UNC13C: variants seen among roughly 807,000 people sequenced by gnomAD.
UNC13C encodes unc-13 homolog C.
A neutral mutation model predicts 245.4 loss-of-function variants in UNC13C; 174 were observed. That is an observed-to-expected ratio of 0.71 (90% CI 0.63 to 0.80). UNC13C has a LOEUF of 0.80. Ranked by LOEUF, UNC13C falls within the 30% of genes least tolerant of loss-of-function variation. The pLI is 0.00. For synonymous variants in UNC13C, 992 were observed against 895.1 expected, an observed-to-expected ratio of 1.11 and a Z score of -1.93; for missense variants, 2,829 against 2,602.9, an observed-to-expected ratio of 1.09 and a Z score of -1.89.
At chr15:54,008,105 C>G (rs868712526) in intron 1 of UNC13C, among the ~76,000 whole-genome samples, 4 of 152,292 alleles carry the variant, frequency 2.6e-5, no homozygotes, top group Middle Eastern at 3.4e-3. Flanking sequence ...AAATTTTTGA[C>G]TGTTTAAAAG....
intron 4 of UNC13C, among the ~76,000 whole-genome samples, chr15:54,168,807 A>T (rs545514874): frequency 1.3e-5 from 2 of 152,342 alleles, no homozygotes; most frequent in South Asian, 4.1e-4. Flanking sequence ...ATTATTACAC[A>T]TGCATATGAT....
At chr15:53,956,226 T>C in the UNC13C span, among the ~76,000 whole-genome samples, 1 of 152,230 alleles carries the variant, frequency 6.6e-6, no homozygotes, top group South Asian at 2.1e-4. Flanking sequence ...TTGGGTACTA[T>C]GGTCAGTTCT....
At chr15:54,443,121 T>A (rs1297965395) in intron 19 of UNC13C, among the ~76,000 whole-genome samples, 1 of 152,180 alleles carries the variant, frequency 6.6e-6, no homozygotes, top group East Asian at 1.9e-4. Context: ...GGTTTTCTAT[T>A]CTTCCTGATT....
At chr15:54,091,321 T>C (rs1247559095) in intron 2 of UNC13C, among the ~76,000 whole-genome samples, 1 of 152,234 alleles carries the variant, frequency 6.6e-6, no homozygotes, top group African/African-American at 2.4e-5. Context: ...GTTCTCACCT[T>C]GCAGAGCTTC....
In UNC13C at chr15:54,462,335, C is replaced by T. The variant is rs367778020; in HGVS notation, c.4934-32273C>T. Among the ~76,000 whole-genome samples the T allele has an allele frequency of 8.2e-4, 125 of 152,366 alleles. 2 individuals carry two copies. The South Asian group carries it at 0.025, about 30-fold the overall frequency. ...CATTCGCTCTCAGTGCCTCCTTCGC[C>T]TAAGCGTCCACTGTGGCCATGCTTG... On this transcript the variant is annotated intron_variant, in intron 19 of 32. Transcript: ENST00000260323.
At chr15:53,941,656 C>T in the UNC13C span, among the ~76,000 whole-genome samples, 6 of 152,002 alleles carry the variant, frequency 3.9e-5, no homozygotes, top group African/African-American at 1.4e-4. Flanking sequence ...TTTGTGTAAT[C>T]TATCCATCTG....
At chr15:54,321,464 A>T (rs1166852587) in intron 13 of UNC13C, 1 of 489,742 alleles carries the variant, frequency 2.0e-6, no homozygotes, top group African/African-American at 2.0e-5. Flanking sequence ...CCTTGCGTTC[A>T]TGGCTACATC....
chr15:54,092,063 C>A (rs1899603262), intron 2 of UNC13C, among the ~76,000 whole-genome samples: 1 of 152,210 alleles, frequency 6.6e-6, no homozygotes, highest in African/African-American at 2.4e-5. Context: ...CTCTTAGGAG[C>A]AGAGGATTGT....
Position 54,496,135 on chromosome 15 carries a change from C to T in UNC13C, c.5060+1401C>T, listed in dbSNP as rs184157979. On this transcript the variant is annotated intron_variant, in intron 20 of 32. Coordinates refer to ENST00000260323, the MANE Select transcript of UNC13C (RefSeq NM_001080534.3). ...TGTTAATTATTTTAGTTTAGCCATTCCACAATATATACATATTTCAAAACA... is the reference window on the plus strand; with the variant it reads ...TGTTAATTATTTTAGTTTAGCCATTTCACAATATATACATATTTCAAAACA... 1.9e-3 allele frequency among the ~76,000 whole-genome samples: 294 copies of T among 151,952 alleles called. 1 individual carries two copies. Among genetic ancestry groups the T allele is most frequent in the Non-Finnish European group, 3.1e-3 (212 of 67,882 alleles).
intron 24 of UNC13C, among the ~76,000 whole-genome samples, chr15:54,516,501 T>A (rs938139482): frequency 6.6e-6 from 1 of 152,118 alleles, no homozygotes; most frequent in Non-Finnish European, 1.5e-5. Flanking sequence ...TACTGCTATA[T>A]GCTTTCTGAA....
At chr15:54,418,983 G>C (rs1254817822) in intron 19 of UNC13C, among the ~76,000 whole-genome samples, 1 of 152,060 alleles carries the variant, frequency 6.6e-6, no homozygotes, top group East Asian at 1.9e-4. Flanking sequence ...TTGCAATTGA[G>C]TTGAAACTAC....
intron 22 of UNC13C, among the ~76,000 whole-genome samples, chr15:54,505,053 T>C (rs1185423907): frequency 2.6e-5 from 4 of 152,188 alleles, no homozygotes; most frequent in Admixed American, 2.6e-4. Context: ...GAATTTCATT[T>C]TATTTAATCT....
intron 17 of UNC13C, among the ~76,000 whole-genome samples, chr15:54,365,810 C>T (rs77053491): frequency 0.012 from 1,840 of 151,240 alleles, 15 homozygotes; most frequent in Non-Finnish European, 0.021. Context: ...TTGTGAACAT[C>T]GTATATTCTT....
chr15:54,044,037 C>A (rs1236183730), intron 2 of UNC13C, among the ~76,000 whole-genome samples: 1 of 152,112 alleles, frequency 6.6e-6, no homozygotes, highest in Non-Finnish European at 1.5e-5. Context: ...GAACTTTTGT[C>A]ACCCCAAAAA....
the UNC13C span, among the ~76,000 whole-genome samples, chr15:53,937,043 T>A: frequency 6.6e-6 from 1 of 152,194 alleles, no homozygotes; most frequent in East Asian, 1.9e-4. Context: ...ATGGCTGAAT[T>A]GACAGAAGTA....
the UNC13C span, among the ~76,000 whole-genome samples, chr15:53,942,217 C>T: frequency 6.6e-6 from 1 of 151,994 alleles, no homozygotes; most frequent in Non-Finnish European, 1.5e-5. Context: ...GAATACTATG[C>T]ACCCATAAAA....
the UNC13C span, among the ~76,000 whole-genome samples, chr15:53,891,682 C>G: frequency 6.6e-6 from 1 of 152,104 alleles, no homozygotes; most frequent in Admixed American, 6.6e-5. Context: ...AGGATTGCAA[C>G]TCCTGCTCTT....
At chr15:54,613,394 TA>T (rs1483550676) in intron 30 of UNC13C, among the ~76,000 whole-genome samples, 1 of 151,968 alleles carries the variant, frequency 6.6e-6, no homozygotes, top group Non-Finnish European at 1.5e-5. Flanking sequence ...GCATGAATCA[TA>T]AAATATTCAT....
At chr15:54,329,414 T>G (rs950085020) in intron 14 of UNC13C, among the ~76,000 whole-genome samples, 1 of 151,910 alleles carries the variant, frequency 6.6e-6, no homozygotes, top group African/African-American at 2.4e-5. Context: ...ATTATAGTAT[T>G]TATTATTATT....
Sources: gnomAD v4.1 joint callset for allele counts (sites outside exome capture counted in the v4.1 genomes callset) on GRCh38, gnomAD v4.1.1 for gene constraint, MANE v1.5 for transcripts, NCBI Gene and HGNC (gene_info 2026-07-23, HGNC 2026-07-21) for gene names.